The following RPH3A variants were observed in gnomAD, a reference collection of about 807,000 sequenced individuals.
RPH3A encodes rabphilin 3A, also known as rabphilin-3A.
In RPH3A, 48 loss-of-function variants were observed where a neutral mutation model predicts 102.2. The ratio of observed to expected loss-of-function variants is 0.47; its 90% CI spans 0.37 to 0.60. RPH3A has a LOEUF of 0.60. Ranked by LOEUF, RPH3A falls within the 20% of genes least tolerant of loss-of-function variation. The pLI is 0.00. For missense variants in RPH3A, 781 were observed against 910.1 expected (o/e 0.86, Z 1.83); for synonymous variants, 310 against 324.3 (o/e 0.96, Z 0.47).
rs146379847 is a variant in RPH3A at position 112,824,180 on chromosome 12, G to A, written c.-18-4121G>A. On this transcript the variant is annotated intron_variant, in intron 2 of 21. Coordinates refer to ENST00000389385, the MANE Select transcript of RPH3A (RefSeq NM_001143854.2). ...AGGGCGTGGCTTCACCTGAAGTCTG[G>A]CCTCAGCCCAATCCTCAGGGAGCTC... Among the ~76,000 whole-genome samples the A allele has an allele frequency of 2.7e-4, 41 of 152,350 alleles. No individual in the cohort carries two copies. In the East Asian group the frequency reaches 6.6e-3, roughly 24 times the overall value.
intron 1 of RPH3A, among the ~76,000 whole-genome samples, chr12:112,621,258 G>A (rs2039721074): frequency 6.6e-6 from 1 of 151,740 alleles, no homozygotes; most frequent in Non-Finnish European, 1.5e-5. Flanking sequence ...CGTGAGCGAC[G>A]CAGAAGACGG....
At chr12:112,748,817 T>C (rs1006113888) in intron 1 of RPH3A, among the ~76,000 whole-genome samples, 1 of 152,198 alleles carries the variant, frequency 6.6e-6, no homozygotes, top group Non-Finnish European at 1.5e-5. Flanking sequence ...TGACACACTG[T>C]GCCAGAGGCT....
At chr12:112,874,881 T>G in intron 10 of RPH3A, 1 of 548,102 alleles carries the variant, frequency 1.8e-6, no homozygotes. Flanking sequence ...CAACTGCTGC[T>G]GCTGTGACTC....
intron 1 of RPH3A, among the ~76,000 whole-genome samples, chr12:112,618,942 G>A (rs1387294543): frequency 6.6e-6 from 1 of 152,140 alleles, no homozygotes; most frequent in Non-Finnish European, 1.5e-5. Flanking sequence ...CATATAAATG[G>A]AATAATATAA....
chr12:112,875,153 C>T lies in RPH3A; in HGVS notation c.866C>T (p.Pro289Leu), dbSNP rs970833229. 5 of 1,604,372 alleles carry T rather than the reference C, an allele frequency of 3.1e-6. No homozygotes were observed. Among genetic ancestry groups the T allele is most frequent in the Non-Finnish European group, 8.5e-7 (1 of 1,175,806 alleles). The change falls in exon 11 of 22, where the codon CCT becomes CTT. Residue 289 changes from proline (P) to leucine (L), a missense_variant. By Grantham distance (98) the Pro-to-Leu change is moderately conservative. Around this residue, in one of 2 missense-constraint regions of RPH3A, gnomAD observed 730 missense variants for 810.0 expected, o/e 0.90. Transcript: ENST00000389385. The part of the protein sequence containing the change: ...APGSVQSPAP[P>L]QPGQPGTPGG... ...GGCTCGGTGCAGAGCCCAGCGCCAC[C>T]TCAGCCTGGGCAGCCAGGTACCTGC... is the stretch of plus-strand genomic sequence containing the variant.
chr12:112,864,490 A>G (rs1303756139), intron 5 of RPH3A, among the ~76,000 whole-genome samples: 1 of 151,942 alleles, frequency 6.6e-6, no homozygotes, highest in African/African-American at 2.4e-5. Flanking sequence ...GGCAGGGAAA[A>G]TATAAAAGTG....
chr12:112,601,928 G>A (rs936064364), intron 1 of RPH3A, among the ~76,000 whole-genome samples: 3 of 152,092 alleles, frequency 2.0e-5, no homozygotes, highest in Non-Finnish European at 2.9e-5. Context: ...GTGACAGAGC[G>A]AGACTTTGTC....
In RPH3A at chr12:112,898,159, A is replaced by G. The variant is rs1000252155; in HGVS notation, c.*1379A>G. 2.0e-5 allele frequency: 3 copies of G among 152,232 alleles called. No homozygotes were observed. Among genetic ancestry groups the G allele is most frequent in the African/African-American group, 7.2e-5 (3 of 41,466 alleles). The allele number at this position is 152,232 out of a possible 1,614,324, so 9.4% of individuals were successfully genotyped here. A position where few individuals can be genotyped will look rare whatever the true frequency, so the allele number is the denominator to read the frequency against. On this transcript the variant is annotated 3_prime_UTR_variant, in exon 22 of 22. Transcript: ENST00000389385. ...TGGCTATGGAACAGTAGAGAGAGAC[A>G]GGCCTGATGCCAAAGGCTTTGGGCT...
At chr12:112,783,074 C>T (rs1214911671) in intron 1 of RPH3A, among the ~76,000 whole-genome samples, 1 of 152,170 alleles carries the variant, frequency 6.6e-6, no homozygotes, top group Non-Finnish European at 1.5e-5. Context: ...GATGGGCTCT[C>T]ACCATTTCTG....
chr12:112,845,544 A>G (rs1215911003), intron 4 of RPH3A, among the ~76,000 whole-genome samples: 2 of 152,214 alleles, frequency 1.3e-5, no homozygotes, highest in South Asian at 2.1e-4. Flanking sequence ...CAGGATCACA[A>G]TGAATTCTCC....
At chr12:112,611,585 C>T (rs139634944) in intron 1 of RPH3A, among the ~76,000 whole-genome samples, 2,486 of 152,072 alleles carry the variant, frequency 0.016, 32 homozygotes, top group Non-Finnish European at 0.024. Context: ...ATTACAGGTG[C>T]GCACCACCAC....
In RPH3A at chr12:112,870,038, A is replaced by T. The variant is rs776112889; in HGVS notation, c.795A>T (p.Ala265=). ...GGAGDSSRSP[A]GLRRANSVQA... The stretch of plus-strand genomic sequence containing the variant: ...CTGGAGACTCCAGCCGGAGCCCAGC[A>T]GGTGAGCAAGATGGGCAAATCCAGA... The change falls in exon 10 of 22, where the codon GCA becomes GCT. Residue 265 remains alanine (A), a splice_region_variant and synonymous_variant. Coordinates refer to ENST00000389385, the MANE Select transcript of RPH3A (RefSeq NM_001143854.2). 3.1e-6 allele frequency: 5 copies of T among 1,610,352 alleles called. No homozygotes were observed. The highest frequency in any genetic ancestry group is 4.2e-6 in the Non-Finnish European group (5 of 1,178,742).
At chr12:112,727,452 GACACAGACACACACACACAC>G (rs2040600572) in intron 1 of RPH3A, among the ~76,000 whole-genome samples, 4 of 51,734 alleles carry the variant, frequency 7.7e-5, no homozygotes, top group Non-Finnish European at 1.1e-4. Flanking sequence ...TACACACACA[GACACAGACACACACACACAC>G]ACACACACAC....
chr12:112,629,802 G>A (rs538846633), intron 1 of RPH3A, among the ~76,000 whole-genome samples: 29 of 152,164 alleles, frequency 1.9e-4, no homozygotes, highest in Non-Finnish European at 3.2e-4. Flanking sequence ...AATAATAGTA[G>A]ATGCTATTTA....
At chr12:112,610,421 T>G (rs1745923914) in intron 1 of RPH3A, among the ~76,000 whole-genome samples, 2 of 150,900 alleles carry the variant, frequency 1.3e-5, no homozygotes, top group African/African-American at 2.4e-5. Flanking sequence ...GAGAATCGCT[T>G]GAACCCAGGA....
intron 1 of RPH3A, among the ~76,000 whole-genome samples, chr12:112,677,371 T>G (rs191428311): frequency 3.5e-4 from 4 of 11,320 alleles, no homozygotes; most frequent in East Asian, 5.1e-3. Flanking sequence ...CCCTCCCTCC[T>G]TCCCTTCCTC....
intron 2 of RPH3A, among the ~76,000 whole-genome samples, chr12:112,810,086 T>C (rs1182582297): frequency 6.6e-6 from 1 of 152,216 alleles, no homozygotes; most frequent in African/African-American, 2.4e-5. Flanking sequence ...CCTTTCTCGA[T>C]TCCTCAGACT....
At chr12:112,722,640 C>T (rs1460796077) in intron 1 of RPH3A, among the ~76,000 whole-genome samples, 4 of 152,196 alleles carry the variant, frequency 2.6e-5, no homozygotes, top group Non-Finnish European at 1.5e-5. Flanking sequence ...TTAAGGGAGG[C>T]TGGGCCAAAT....
intron 1 of RPH3A, among the ~76,000 whole-genome samples, chr12:112,597,169 G>A (rs558862134): frequency 3.7e-4 from 56 of 152,316 alleles, no homozygotes; most frequent in African/African-American, 1.3e-3. Flanking sequence ...TGGGGAGGAG[G>A]AGAGGGAACT....
Sources: allele counts gnomAD v4.1 joint callset (sites outside exome capture counted in the v4.1 genomes callset), GRCh38; gene constraint gnomAD v4.1.1; regional missense constraint gnomAD v4.1.1; transcripts MANE v1.5; gene names NCBI Gene and HGNC (gene_info 2026-07-23, HGNC 2026-07-21).